The following PAX7 variants were observed in gnomAD, a reference collection of about 807,000 sequenced individuals.
The protein encoded by PAX7 is paired box protein Pax-7.
In PAX7, 18 loss-of-function variants were observed where a neutral mutation model predicts 50.7. That is an observed-to-expected ratio of 0.36 (90% CI 0.25 to 0.53). The LOEUF (loss-of-function observed/expected upper bound fraction) is 0.53, where lower values mean the gene tolerates loss of function less well. Among genes scored for constraint, PAX7 ranks in the 20% least tolerant of loss-of-function variants. The pLI is 0.93. For missense variants in PAX7, 644 were observed against 702.9 expected (o/e 0.92, Z 0.95); for synonymous variants, 310 against 290.4 (o/e 1.07, Z -0.69).
In PAX7 at chr1:18,636,951, G is replaced by A. The variant is rs1041056821; in HGVS notation, c.586+580G>A. Among the ~76,000 whole-genome samples the A allele has an allele frequency of 6.6e-6, 1 of 152,196 alleles. No individual in the cohort carries two copies. The highest frequency in any genetic ancestry group is 2.4e-5 in the African/African-American group (1 of 41,460). ...CAGCCCCGCGTTGCCAGGGCGGACT[G>A]GGGGACAGAGAGTGCCTTCCTCTGT... On this transcript the variant is annotated intron_variant, in intron 4 of 8. Transcript: ENST00000420770. The surrounding 1 kb of genome is among the most constrained non-coding windows in gnomAD (Gnocchi z 5.1).
chr1:18,673,733 C>T (rs1386741090), intron 4 of PAX7, among the ~76,000 whole-genome samples: 1 of 152,168 alleles, frequency 6.6e-6, no homozygotes, highest in South Asian at 2.1e-4. Context: ...GATGTCCGAC[C>T]CTTTGCAGTG....
At chr1:18,706,120 C>T (rs532589988) in intron 7 of PAX7, among the ~76,000 whole-genome samples, 1 of 152,302 alleles carries the variant, frequency 6.6e-6, no homozygotes, top group African/African-American at 2.4e-5. Flanking sequence ...TAGGCTCCGA[C>T]TCCCACTGCC....
Position 18,746,766 on chromosome 1 carries a change from A to G in PAX7, c.*1837A>G. 1 of 231,888 alleles carries G rather than the reference A, an allele frequency of 4.3e-6. No individual in the cohort carries two copies. The highest frequency in any genetic ancestry group is 6.1e-5 in the East Asian group (1 of 16,444). The allele number at this position is 231,888 out of a possible 1,614,324, so 14.4% of individuals were successfully genotyped here. A position where few individuals can be genotyped will look rare whatever the true frequency, so the allele number is the denominator to read the frequency against. On this transcript the variant is annotated 3_prime_UTR_variant, in exon 9 of 9. Coordinates refer to ENST00000420770, the MANE Select transcript of PAX7 (RefSeq NM_001135254.2). ...GGGTTGGCAAGATTCTAGGACACTC[A>G]CCTGCATGGACATCACCTCTGTGAC...
intron 7 of PAX7, among the ~76,000 whole-genome samples, chr1:18,725,155 C>A (rs1257092330): frequency 6.6e-6 from 1 of 152,152 alleles, no homozygotes; most frequent in Non-Finnish European, 1.5e-5. Flanking sequence ...GCAAGCCGGG[C>A]CTGAGCTATC....
chr1:18,714,811 GC>G (rs2100353311), intron 7 of PAX7, among the ~76,000 whole-genome samples: 1 of 152,352 alleles, frequency 6.6e-6, no homozygotes, highest in East Asian at 1.9e-4. Context: ...AGCCTAGCAG[GC>G]CCGGGTTTAG....
chr1:18,722,571 G>A (rs867407875), intron 7 of PAX7, among the ~76,000 whole-genome samples: 4 of 151,996 alleles, frequency 2.6e-5, no homozygotes, highest in Admixed American at 6.5e-5. Flanking sequence ...GGGCTGCTCC[G>A]GAGAAGATAT....
chr1:18,690,740 G>T (rs1185061463), intron 4 of PAX7, among the ~76,000 whole-genome samples: 4 of 152,248 alleles, frequency 2.6e-5, no homozygotes, highest in Non-Finnish European at 5.9e-5. Flanking sequence ...ATGGGGTGGG[G>T]TCCATGGCCT....
chr1:18,706,602 C>T (rs1031558162), intron 7 of PAX7, among the ~76,000 whole-genome samples: 9 of 151,844 alleles, frequency 5.9e-5, no homozygotes, highest in African/African-American at 2.2e-4. Flanking sequence ...CCTGTCTTCG[C>T]CTCCTGAGCA....
intron 4 of PAX7, among the ~76,000 whole-genome samples, chr1:18,667,944 A>G (rs1449531095): frequency 2.0e-5 from 3 of 152,096 alleles, no homozygotes; most frequent in Non-Finnish European, 2.9e-5. Context: ...TGAGCCATCA[A>G]AGGATGCTTC....
intron 8 of PAX7, among the ~76,000 whole-genome samples, chr1:18,737,616 G>T (rs756363521): frequency 6.6e-6 from 1 of 152,266 alleles, no homozygotes; most frequent in African/African-American, 2.4e-5. Context: ...ATACATGTAT[G>T]TGTCAGTGGG....
chr1:18,711,044 C>T (rs571793313), intron 7 of PAX7, among the ~76,000 whole-genome samples: 2 of 152,224 alleles, frequency 1.3e-5, no homozygotes, highest in African/African-American at 2.4e-5. Flanking sequence ...CGCTTCCTCC[C>T]TTTGCCTTCT....
intron 4 of PAX7, among the ~76,000 whole-genome samples, chr1:18,669,609 G>C (rs951802774): frequency 6.6e-6 from 1 of 152,164 alleles, no homozygotes; most frequent in Non-Finnish European, 1.5e-5. Context: ...GATGCAGAGA[G>C]GATGTCTCAG....
At chr1:18,645,307 G>A (rs2088320819) in intron 4 of PAX7, among the ~76,000 whole-genome samples, 1 of 152,218 alleles carries the variant, frequency 6.6e-6, no homozygotes, top group Non-Finnish European at 1.5e-5. Context: ...GCTGGGCTGC[G>A]GAGCCTCTTG....
At chr1:18,686,123 T>C (rs769631968) in intron 4 of PAX7, among the ~76,000 whole-genome samples, 1 of 152,222 alleles carries the variant, frequency 6.6e-6, no homozygotes, top group African/African-American at 2.4e-5. Flanking sequence ...CATCTGGCAG[T>C]GTTTCCTCCA....
chr1:18,717,301 G>A (rs1214478928), intron 7 of PAX7, among the ~76,000 whole-genome samples: 2 of 152,308 alleles, frequency 1.3e-5, no homozygotes, highest in East Asian at 1.9e-4. Flanking sequence ...CGGCCGTCTC[G>A]GGACGGGGCA....
chr1:18,683,484 C>A (rs949296627), intron 4 of PAX7, among the ~76,000 whole-genome samples: 4 of 152,156 alleles, frequency 2.6e-5, no homozygotes, highest in African/African-American at 4.8e-5. Flanking sequence ...GATTCGGCAA[C>A]GAATCAATGA....
At chr1:18,635,307 G>A (rs2088132510) in intron 3 of PAX7, 67 bp downstream of exon 3, 3 of 1,573,650 alleles carry the variant, frequency 1.9e-6, no homozygotes. Flanking sequence ...TGGAGGGCTG[G>A]AGGTGGGAGA....
intron 4 of PAX7, among the ~76,000 whole-genome samples, chr1:18,682,070 G>A (rs896889811): frequency 2.6e-5 from 4 of 152,140 alleles, no homozygotes; most frequent in Non-Finnish European, 5.9e-5. Flanking sequence ...GCCTGGTGGG[G>A]TTCGATGGGA....
intron 4 of PAX7, among the ~76,000 whole-genome samples, chr1:18,663,647 GC>G (rs2088629974): frequency 6.6e-6 from 1 of 152,196 alleles, no homozygotes. Flanking sequence ...CTCCCAAAGT[GC>G]TGGGCTTACA....
Sources: allele counts gnomAD v4.1 joint callset (sites outside exome capture counted in the v4.1 genomes callset), GRCh38; gene constraint gnomAD v4.1.1; non-coding constraint Gnocchi (gnomAD v3.1); transcripts MANE v1.5; gene names NCBI Gene and HGNC (gene_info 2026-07-23, HGNC 2026-07-21).